LMOD1: variants seen among roughly 807,000 people sequenced by gnomAD.
LMOD1 encodes leiomodin-1.
A neutral mutation model predicts 36.5 loss-of-function variants in LMOD1; 8 were observed. That is an observed-to-expected ratio of 0.22 (90% CI 0.13 to 0.40). LMOD1 has a LOEUF of 0.40. LMOD1 is among the 10% of genes least tolerant of loss of function. The pLI is 1.00. For synonymous variants in LMOD1, 284 were observed against 288.7 expected (o/e 0.98, Z 0.17); for missense variants, 630 against 751.1 (o/e 0.84, Z 1.88).
chr1:201,934,005 A>G (rs1396031258), intron 1 of LMOD1, among the ~76,000 whole-genome samples: 1 of 152,104 alleles, frequency 6.6e-6, no homozygotes, highest in Non-Finnish European at 1.5e-5. Context: ...GCTGTCAGTC[A>G]TATGCTGGGA....
intron 1 of LMOD1, among the ~76,000 whole-genome samples, chr1:201,913,970 A>G (rs934128099): frequency 1.3e-5 from 2 of 152,156 alleles, no homozygotes; most frequent in East Asian, 1.9e-4. Flanking sequence ...TGCTATGAAC[A>G]TATCTGTGTG....
At chr1:201,943,704 T>C (rs1348903114) in intron 1 of LMOD1, among the ~76,000 whole-genome samples, 2 of 152,158 alleles carry the variant, frequency 1.3e-5, no homozygotes, top group African/African-American at 4.8e-5. Flanking sequence ...GATGAAGTAA[T>C]AATTTCATAG....
chr1:201,940,808 G>A (rs1682102110), intron 1 of LMOD1, among the ~76,000 whole-genome samples: 1 of 150,688 alleles, frequency 6.6e-6, no homozygotes, highest in Non-Finnish European at 1.5e-5. Flanking sequence ...GAGTGCAATG[G>A]CACGATCTCG....
chr1:201,919,127 C>A (rs1457050237), intron 1 of LMOD1, among the ~76,000 whole-genome samples: 1 of 151,426 alleles, frequency 6.6e-6, no homozygotes, highest in Non-Finnish European at 1.5e-5. Flanking sequence ...TGGCCTCAAG[C>A]AATCCTCCCG....
intron 1 of LMOD1, among the ~76,000 whole-genome samples, chr1:201,924,157 T>C (rs999577320): frequency 7.3e-6 from 1 of 136,300 alleles, no homozygotes; most frequent in African/African-American, 2.7e-5. Flanking sequence ...TCTAATAAAA[T>C]ACCAAAAAAA....
At chr1:201,921,487 C>CAAAAAA (rs57488982) in intron 1 of LMOD1, among the ~76,000 whole-genome samples, 1 of 59,798 alleles carries the variant, frequency 1.7e-5, no homozygotes, top group African/African-American at 6.8e-5. Context: ...GACTCCATCT[C>CAAAAAA]AAAAAAAAAA....
intron 1 of LMOD1, among the ~76,000 whole-genome samples, chr1:201,927,131 C>A (rs1229587398): frequency 6.6e-6 from 1 of 152,132 alleles, no homozygotes; most frequent in East Asian, 1.9e-4. Flanking sequence ...TGTCTGTGTT[C>A]TTTGTATCAC....
intron 1 of LMOD1, among the ~76,000 whole-genome samples, chr1:201,917,436 G>A (rs952154244): frequency 1.3e-5 from 2 of 152,258 alleles, no homozygotes; most frequent in Non-Finnish European, 2.9e-5. Context: ...CACAGTCAGC[G>A]CCATTCTGGC....
intron 1 of LMOD1, among the ~76,000 whole-genome samples, chr1:201,929,340 C>T (rs1467631084): frequency 2.0e-5 from 3 of 152,026 alleles, no homozygotes; most frequent in Non-Finnish European, 2.9e-5. Flanking sequence ...ACTCGGCATA[C>T]CAAAGTGCTG....
intron 1 of LMOD1, among the ~76,000 whole-genome samples, chr1:201,922,640 C>CA (rs1183360358): frequency 6.6e-6 from 1 of 151,738 alleles, no homozygotes; most frequent in Non-Finnish European, 1.5e-5. Flanking sequence ...TGAAAATATT[C>CA]TGGAATCAGG....
chr1:201,939,245 G>A (rs1401047465), intron 1 of LMOD1, among the ~76,000 whole-genome samples: 2 of 152,002 alleles, frequency 1.3e-5, no homozygotes, highest in East Asian at 1.9e-4. Flanking sequence ...CTCTCGTGAT[G>A]TGCCAAACAC....
intron 1 of LMOD1, among the ~76,000 whole-genome samples, chr1:201,910,334 C>T (rs890723288): frequency 1.2e-4 from 18 of 150,210 alleles, no homozygotes; most frequent in East Asian, 2.0e-4. Flanking sequence ...AGTACAGTGG[C>T]GCAATCATGG....
In LMOD1 at chr1:201,946,263, G is replaced by A. The variant is rs1250836051; in HGVS notation, c.78C>T (p.Pro26=). 6.2e-7 allele frequency: 1 copy of A among 1,613,714 alleles called. No homozygotes were observed. The change falls in exon 1 of 3, where the codon CCC becomes CCT. Residue 26 remains proline (P), a synonymous_variant. Transcript: ENST00000367288. Reference sequence around the variant, plus strand: ...CCTTCTCCAGCTCCTCCATCTCCTCGGGAGACAGGGTCTCCAGCAGGCTGT... The same window carrying A: ...CCTTCTCCAGCTCCTCCATCTCCTCAGGAGACAGGGTCTCCAGCAGGCTGT... ...DIDSLLETLS[P]EEMEELEKEL...
intron 1 of LMOD1, among the ~76,000 whole-genome samples, chr1:201,926,889 C>T (rs142895147): frequency 2.0e-5 from 3 of 152,110 alleles, no homozygotes; most frequent in East Asian, 1.9e-4. Flanking sequence ...AGTGGTGGCA[C>T]GTGGGAGCAG....
chr1:201,909,248 CGTG>C (rs1177596016), intron 1 of LMOD1, among the ~76,000 whole-genome samples: 3 of 152,122 alleles, frequency 2.0e-5, no homozygotes, highest in African/African-American at 7.2e-5. Context: ...TGAGGCAACT[CGTG>C]GGGGTGGGGC....
At chr1:201,907,764 G>A (rs1408035969) in intron 1 of LMOD1, among the ~76,000 whole-genome samples, 1 of 152,174 alleles carries the variant, frequency 6.6e-6, no homozygotes, top group African/African-American at 2.4e-5. Context: ...TGGGTGCCAG[G>A]AGTCTGTCCT....
At chr1:201,945,180 A>G (rs899699539) in intron 1 of LMOD1, among the ~76,000 whole-genome samples, 2 of 152,208 alleles carry the variant, frequency 1.3e-5, no homozygotes, top group African/African-American at 4.8e-5. Flanking sequence ...TAGTTTGTCC[A>G]AAGAAAACTC....
chr1:201,902,243 A>G (rs1000700996), intron 1 of LMOD1, among the ~76,000 whole-genome samples: 8 of 151,904 alleles, frequency 5.3e-5, no homozygotes, highest in African/African-American at 1.9e-4. Context: ...CCTTATTTTT[A>G]GTAAAAACTT....
intron 1 of LMOD1, among the ~76,000 whole-genome samples, chr1:201,925,192 A>G (rs1451345733): frequency 2.0e-5 from 3 of 152,046 alleles, no homozygotes; most frequent in Non-Finnish European, 4.4e-5. Flanking sequence ...AGCCTGGGCT[A>G]CAAGAGCAAA....
Sources: allele counts gnomAD v4.1 joint callset (sites outside exome capture counted in the v4.1 genomes callset), GRCh38; gene constraint gnomAD v4.1.1; transcripts MANE v1.5; gene names NCBI Gene and HGNC (gene_info 2026-07-23, HGNC 2026-07-21).